The following EDIL3 variants were observed in gnomAD, a reference collection of about 807,000 sequenced individuals.
EDIL3 encodes EGF like and discoidin domains 3.
Under a neutral mutation model 67.4 loss-of-function variants are expected in EDIL3, and 37 were observed. That is an observed-to-expected ratio of 0.55 (90% CI 0.42 to 0.72). The LOEUF (loss-of-function observed/expected upper bound fraction) is 0.72. EDIL3 is among the 30% of genes least tolerant of loss of function. The pLI, the probability that EDIL3 is intolerant of heterozygous loss-of-function variation, is 0.00. For synonymous variants in EDIL3, 195 were observed against 196.3 expected, an observed-to-expected ratio of 0.99 and a Z score of 0.05; for missense variants, 527 against 586.3, an observed-to-expected ratio of 0.90 and a Z score of 1.04.
chr5:84,277,531 C>T (rs1745605345), intron 1 of EDIL3, among the ~76,000 whole-genome samples: 1 of 152,166 alleles, frequency 6.6e-6, no homozygotes, highest in African/African-American at 2.4e-5. Flanking sequence ...CATTTGCCTA[C>T]TTGTGTAGCT....
chr5:84,363,698 G>A (rs1174518643), intron 1 of EDIL3, among the ~76,000 whole-genome samples: 1 of 152,086 alleles, frequency 6.6e-6, no homozygotes, highest in Non-Finnish European at 1.5e-5. Flanking sequence ...GAGGTAAGAT[G>A]CCTTATTCTT....
chr5:84,003,308 C>T (rs1262414881), intron 9 of EDIL3, among the ~76,000 whole-genome samples: 1 of 152,108 alleles, frequency 6.6e-6, no homozygotes, highest in Non-Finnish European at 1.5e-5. Flanking sequence ...AGGCCTCTGC[C>T]ATTGCCACTG....
chr5:84,011,174 CT>C (rs1323845326), intron 9 of EDIL3, among the ~76,000 whole-genome samples: 3 of 152,112 alleles, frequency 2.0e-5, no homozygotes, highest in African/African-American at 7.2e-5. Flanking sequence ...TTATCTGTGT[CT>C]TTACACATTT....
chr5:84,378,529 C>T (rs1748015122), intron 1 of EDIL3, among the ~76,000 whole-genome samples: 1 of 152,192 alleles, frequency 6.6e-6, no homozygotes, highest in East Asian at 1.9e-4. Flanking sequence ...ATGCTTTTCA[C>T]TTTCTGGATT....
intron 1 of EDIL3, among the ~76,000 whole-genome samples, chr5:84,334,933 T>G (rs1746955603): frequency 6.6e-6 from 1 of 152,196 alleles, no homozygotes; most frequent in Admixed American, 6.5e-5. Flanking sequence ...TCTTATTCCA[T>G]TTTGTTAGTA....
At chr5:83,963,912 T>C (rs995234564) in intron 9 of EDIL3, among the ~76,000 whole-genome samples, 2 of 151,800 alleles carry the variant, frequency 1.3e-5, no homozygotes, top group East Asian at 3.9e-4. Context: ...TGAGTAATAG[T>C]AATCATTGTC....
intron 2 of EDIL3, among the ~76,000 whole-genome samples, chr5:84,247,291 T>C (rs1157060068): frequency 6.6e-6 from 1 of 152,156 alleles, no homozygotes; most frequent in Non-Finnish European, 1.5e-5. Flanking sequence ...ATCCCTCATT[T>C]GGTAACCAAA....
chr5:84,376,493 T>A (rs537387444), intron 1 of EDIL3, among the ~76,000 whole-genome samples: 238 of 152,334 alleles, frequency 1.6e-3, no homozygotes, highest in Admixed American at 2.9e-3. Context: ...CAAACACAGT[T>A]AAGTACTTTA....
intron 9 of EDIL3, among the ~76,000 whole-genome samples, chr5:83,972,862 GAGC>G (rs1225763738): frequency 6.6e-6 from 1 of 151,970 alleles, no homozygotes; most frequent in Non-Finnish European, 1.5e-5. Context: ...CTTTTAAAAT[GAGC>G]AGATCTTTAT....
At chr5:84,064,394 T>C (rs1328528962) in intron 8 of EDIL3, among the ~76,000 whole-genome samples, 1 of 152,146 alleles carries the variant, frequency 6.6e-6, no homozygotes, top group African/African-American at 2.4e-5. Flanking sequence ...AGATCACAGT[T>C]ATTATGCAAA....
chr5:84,314,288 G>A (rs1746465895), intron 1 of EDIL3, among the ~76,000 whole-genome samples: 1 of 152,168 alleles, frequency 6.6e-6, no homozygotes, highest in Non-Finnish European at 1.5e-5. Flanking sequence ...TCAGATCATG[G>A]AGAAGAGGGT....
At chr5:84,183,308 C>T (rs1156537637) in intron 3 of EDIL3, among the ~76,000 whole-genome samples, 1 of 152,040 alleles carries the variant, frequency 6.6e-6, no homozygotes, top group Non-Finnish European at 1.5e-5. Context: ...ACCTATACCC[C>T]TCAGAGCATC....
chr5:84,073,099 A>G (rs914156881), intron 6 of EDIL3, among the ~76,000 whole-genome samples: 5 of 152,210 alleles, frequency 3.3e-5, no homozygotes, highest in Non-Finnish European at 7.4e-5. Context: ...CAAAAACCAC[A>G]TGATTATCTC....
chr5:84,167,214 A>G (rs923130647), intron 4 of EDIL3, among the ~76,000 whole-genome samples: 1 of 152,066 alleles, frequency 6.6e-6, no homozygotes, highest in Non-Finnish European at 1.5e-5. Flanking sequence ...GAAGGTGGTA[A>G]GAGGTGATTA....
At chr5:84,317,927 C>T (rs1368302214) in intron 1 of EDIL3, among the ~76,000 whole-genome samples, 1 of 152,056 alleles carries the variant, frequency 6.6e-6, no homozygotes, top group African/African-American at 2.4e-5. Context: ...TCGTCTCAGC[C>T]CAAAATCTCC....
intron 1 of EDIL3, among the ~76,000 whole-genome samples, chr5:84,319,499 A>AC (rs1746586236): frequency 2.1e-4 from 2 of 9,720 alleles, no homozygotes; most frequent in African/African-American, 1.9e-4. Flanking sequence ...AACAACAAAA[A>AC]AAAAAAAAAA....
intron 4 of EDIL3, among the ~76,000 whole-genome samples, chr5:84,164,262 T>TAG (rs1748665586): frequency 1.3e-5 from 2 of 152,148 alleles, no homozygotes; most frequent in Non-Finnish European, 2.9e-5. Context: ...TTACTGGATT[T>TAG]GAACATTAAG....
intron 1 of EDIL3, among the ~76,000 whole-genome samples, chr5:84,383,321 G>C (rs938727320): frequency 6.6e-6 from 1 of 152,204 alleles, no homozygotes; most frequent in South Asian, 2.1e-4. Context: ...CTTCAGCCCC[G>C]GCCAGCGGTG....
intron 1 of EDIL3, among the ~76,000 whole-genome samples, chr5:84,341,003 C>T (rs544320281): frequency 8.4e-4 from 127 of 152,094 alleles, no homozygotes; most frequent in African/African-American, 3.0e-3. Flanking sequence ...GTTTAAAAGT[C>T]AGCTCAGGGA....
Sources: gnomAD v4.1 joint callset for allele counts (sites outside exome capture counted in the v4.1 genomes callset) on GRCh38, gnomAD v4.1.1 for gene constraint, MANE v1.5 for transcripts, NCBI Gene and HGNC (gene_info 2026-07-23, HGNC 2026-07-21) for gene names.